CLASP2: variants seen among roughly 807,000 people sequenced by gnomAD.
The protein encoded by CLASP2 is CLIP-associating protein 2.
CLASP2 carries 47 observed loss-of-function variants against 194.4 expected under a neutral mutation model. That is an observed-to-expected ratio of 0.24 (90% confidence interval 0.19 to 0.31). CLASP2 has a LOEUF of 0.31. Among genes scored for constraint, CLASP2 ranks in the 10% least tolerant of loss-of-function variants. The probability of loss-of-function intolerance (pLI) is 1.00; values close to 1 mark genes in which losing one functional copy is unlikely to be tolerated. For missense variants in CLASP2, 1,445 were observed against 1,823.6 expected (o/e 0.79, Z 3.78); for synonymous variants, 619 against 633.5 (o/e 0.98, Z 0.34).
chr3:33,586,330 T>G (rs182414061), intron 21 of CLASP2, among the ~76,000 whole-genome samples: 1 of 152,096 alleles, frequency 6.6e-6, no homozygotes, highest in Non-Finnish European at 1.5e-5. Flanking sequence ...AGACAGGATT[T>G]CACCATGTCG....
intron 37 of CLASP2, among the ~76,000 whole-genome samples, chr3:33,510,287 G>T (rs1411123279): frequency 6.6e-6 from 1 of 152,182 alleles, no homozygotes; most frequent in Non-Finnish European, 1.5e-5. Context: ...AAAAATTTCT[G>T]TATGTGGATA....
chr3:33,686,997 A>G, intron 5 of CLASP2, 63 bp downstream of exon 5: 1 of 868,936 alleles, frequency 1.2e-6, no homozygotes, highest in Non-Finnish European at 1.8e-6. Flanking sequence ...ATAGAATAAG[A>G]GGACTAGAAA....
chr3:33,537,125 G>C (rs1434319373), intron 33 of CLASP2, among the ~76,000 whole-genome samples: 1 of 152,064 alleles, frequency 6.6e-6, no homozygotes, highest in African/African-American at 2.4e-5. Context: ...CCAGGAACCG[G>C]GATTTGAACT....
At chr3:33,651,536 G>A (rs981169536) in intron 7 of CLASP2, among the ~76,000 whole-genome samples, 1 of 151,736 alleles carries the variant, frequency 6.6e-6, no homozygotes, top group African/African-American at 2.4e-5. Flanking sequence ...AACACAAGTG[G>A]TCCCCAAGGT....
intron 12 of CLASP2, among the ~76,000 whole-genome samples, chr3:33,616,516 C>A (rs1023987081): frequency 6.6e-6 from 1 of 151,858 alleles, no homozygotes; most frequent in African/African-American, 2.4e-5. Flanking sequence ...AATGAAAAAA[C>A]AAAGATAATC....
At chr3:33,508,834 T>A (rs768554547) in intron 37 of CLASP2, among the ~76,000 whole-genome samples, 2 of 152,346 alleles carry the variant, frequency 1.3e-5, no homozygotes, top group Non-Finnish European at 2.9e-5. Flanking sequence ...TATAAACTCA[T>A]GAATTTCACT....
intron 10 of CLASP2, 107 bp downstream of exon 10, chr3:33,626,881 T>C: frequency 3.1e-6 from 2 of 638,164 alleles, no homozygotes; most frequent in Non-Finnish European, 5.5e-6. Context: ...TATCAGACTC[T>C]CTATTTTATA....
chr3:33,635,865 G>A (rs2080039201), intron 8 of CLASP2, among the ~76,000 whole-genome samples: 1 of 151,676 alleles, frequency 6.6e-6, no homozygotes, highest in Non-Finnish European at 1.5e-5. Context: ...ATTACCCATA[G>A]CCCTTGCTTT....
intron 8 of CLASP2, among the ~76,000 whole-genome samples, chr3:33,634,563 G>A (rs998435779): frequency 7.2e-5 from 11 of 152,146 alleles, no homozygotes; most frequent in African/African-American, 2.7e-4. Flanking sequence ...TTTGACCAAC[G>A]AAGGATATAG....
At chr3:33,698,107 TG>T (rs1488972782) in intron 1 of CLASP2, among the ~76,000 whole-genome samples, 3 of 152,146 alleles carry the variant, frequency 2.0e-5, no homozygotes, top group African/African-American at 4.8e-5. Flanking sequence ...GGTACAGTCC[TG>T]GGGGAAGGAA....
intron 10 of CLASP2, 80 bp from the exon 11 acceptor site, chr3:33,622,360 C>G: frequency 9.3e-7 from 1 of 1,079,408 alleles, no homozygotes; most frequent in Non-Finnish European, 1.2e-6. Flanking sequence ...ATTATTCAAA[C>G]AAAAACTTTC....
chr3:33,573,593 T>A (rs1576620412), intron 24 of CLASP2: 2 of 541,792 alleles, frequency 3.7e-6, no homozygotes, highest in East Asian at 6.6e-5. Context: ...TAAGACTATA[T>A]GGAAGTTCAG....
intron 18 of CLASP2, chr3:33,602,750 A>C: frequency 1.5e-6 from 1 of 686,366 alleles, no homozygotes; most frequent in Non-Finnish European, 2.6e-6. Context: ...TCTTTGATCA[A>C]GACGATGATG....
At chr3:33,519,600 T>A (rs2052381807) in intron 34 of CLASP2, among the ~76,000 whole-genome samples, 1 of 152,138 alleles carries the variant, frequency 6.6e-6, no homozygotes, top group South Asian at 2.1e-4. Context: ...TAAAATAATG[T>A]CAAACAGGGT....
intron 5 of CLASP2, among the ~76,000 whole-genome samples, chr3:33,685,069 G>A (rs561765319): frequency 6.6e-5 from 10 of 150,800 alleles, no homozygotes; most frequent in East Asian, 3.9e-4. Context: ...GGCCCGGCAC[G>A]GTGGCTCATG....
chr3:33,678,032 G>A (rs932132122), intron 6 of CLASP2, among the ~76,000 whole-genome samples: 10 of 150,330 alleles, frequency 6.7e-5, no homozygotes, highest in African/African-American at 2.4e-4. Context: ...CTGAGCTTGA[G>A]GAAATCTCAA....
intron 12 of CLASP2, among the ~76,000 whole-genome samples, chr3:33,614,097 G>A (rs549032656): frequency 2.0e-5 from 3 of 152,264 alleles, no homozygotes; most frequent in East Asian, 3.9e-4. Flanking sequence ...ATCTAAGGAA[G>A]TAGACTCTTA....
chr3:33,579,101 A>G (rs2065490856), intron 23 of CLASP2, among the ~76,000 whole-genome samples: 1 of 152,222 alleles, frequency 6.6e-6, no homozygotes, highest in African/African-American at 2.4e-5. Context: ...AAACAGGGCT[A>G]ATCTGCTGCC....
Position 33,536,379 on chromosome 3 carries a change from C to T in CLASP2, c.3559-918G>A, listed in dbSNP as rs138768502. On this transcript the variant is annotated intron_variant, in intron 33 of 38. Coordinates refer to ENST00000682230, the MANE Select transcript of CLASP2 (RefSeq NM_001365631.1). Reference sequence around the variant, plus strand: ...AGGATGAGTAGGGTTCACTGAGAAGCCACTTGAATAAACACTTGAAGGAAG... The same window carrying T: ...AGGATGAGTAGGGTTCACTGAGAAGTCACTTGAATAAACACTTGAAGGAAG... Among the ~76,000 whole-genome samples the T allele has an allele frequency of 9.6e-3, 1,467 of 152,150 alleles. 77 individuals carry two copies. The highest frequency in any genetic ancestry group is 0.089 in the Admixed American group (1,354 of 15,270).
Sources: allele counts gnomAD v4.1 joint callset (sites outside exome capture counted in the v4.1 genomes callset), GRCh38; gene constraint gnomAD v4.1.1; transcripts MANE v1.5; gene names NCBI Gene and HGNC (gene_info 2026-07-23, HGNC 2026-07-21).